PCDHGA6: variants seen among roughly 807,000 people sequenced by gnomAD.
PCDHGA6 encodes the protein protocadherin gamma-A6.
In PCDHGA6, 41 loss-of-function variants were observed where a neutral mutation model predicts 60.6. The observed-to-expected ratio is 0.68, with a 90% CI of 0.53 to 0.88. The LOEUF (loss-of-function observed/expected upper bound fraction) is 0.88, where lower values mean the gene tolerates loss of function less well. PCDHGA6 is among the 40% of genes least tolerant of loss of function. The probability of loss-of-function intolerance (pLI) is 0.00; values close to 1 mark genes in which losing one functional copy is unlikely to be tolerated. For missense variants in PCDHGA6, 1,312 were observed against 1,203.0 expected (o/e 1.09, Z -1.34); for synonymous variants, 594 against 524.4 (o/e 1.13, Z -1.81).
In PCDHGA6 at chr5:141,423,272, T is replaced by C. The variant is rs372798900; in HGVS notation, c.2424+46765T>C. On this transcript the variant is annotated intron_variant, in intron 1 of 3. Coordinates refer to ENST00000517434, the MANE Select transcript of PCDHGA6 (RefSeq NM_018919.3). ...GCGGACCTCGGCAGCCTCGAGTCTC[T>C]GGCTAACTCTGAAACCTCAGACCTC... 36 of 1,613,586 alleles carry C rather than the reference T, an allele frequency of 2.2e-5. No individual in the cohort carries two copies. In the African/African-American group the frequency reaches 4.4e-4, roughly 20 times the overall value.
In PCDHGA6 at chr5:141,489,948, T is replaced by C; in HGVS notation, c.2425-4859T>C. 2 of 1,614,210 alleles carry C rather than the reference T, an allele frequency of 1.2e-6. No individual in the cohort carries two copies. Among genetic ancestry groups the C allele is most frequent in the Non-Finnish European group, 1.7e-6 (2 of 1,180,030 alleles). On this transcript the variant is annotated intron_variant, in intron 1 of 3. Coordinates refer to ENST00000517434, the MANE Select transcript of PCDHGA6 (RefSeq NM_018919.3). The surrounding 1 kb of genome is among the most constrained non-coding windows in gnomAD (Gnocchi z 4.5). ...TCTCTGTCATCGTGCTGGACATCAA[T>C]GATAATGCTCCAACCTTCCAATCCT...
At chr5:141,406,346 G>C (rs1296474677) in intron 1 of PCDHGA6, among the ~76,000 whole-genome samples, 1 of 152,092 alleles carries the variant, frequency 6.6e-6, no homozygotes, top group Non-Finnish European at 1.5e-5. Flanking sequence ...ATTTATTCAG[G>C]TCATACTATG....
chr5:141,415,588 A>G lies in PCDHGA6; in HGVS notation c.2424+39081A>G, dbSNP rs769216282. 3.3e-5 allele frequency: 53 copies of G among 1,613,874 alleles called. No individual in the cohort carries two copies. Among genetic ancestry groups the G allele is most frequent in the Admixed American group, 3.3e-5 (2 of 59,998 alleles). ...TTTGTTAGATGATTCGAAGTTTCCT[A>G]TAGAGGATACCCCATTGGTTCCAGT... On this transcript the variant is annotated intron_variant, in intron 1 of 3. Transcript: ENST00000517434.
At chr5:141,465,467 C>T (rs2099103834) in intron 1 of PCDHGA6, among the ~76,000 whole-genome samples, 1 of 152,178 alleles carries the variant, frequency 6.6e-6, no homozygotes, top group Non-Finnish European at 1.5e-5. Flanking sequence ...CCAAATTGCC[C>T]TTGCTTCATG....
rs138070043 is a variant in PCDHGA6, at chr5:141,512,950, AAAT to A, written c.*1783_*1785del. 5,271 of 152,332 alleles carry A rather than the reference AAAT, an allele frequency of 0.035. 119 individuals carry two copies. The highest frequency in any genetic ancestry group is 0.075 in the South Asian group (360 of 4,826). The allele number at this position is 152,332 out of a possible 1,614,324, so 9.4% of individuals were successfully genotyped here. On this transcript the variant is annotated 3_prime_UTR_variant, in exon 4 of 4. Coordinates refer to ENST00000517434, the MANE Select transcript of PCDHGA6 (RefSeq NM_018919.3). ...ATATGGCTTTTTTTCTTCGACAAAA[AAAT>A]AATAAAACGTTTCTTCTGAAAAGCT...
chr5:141,429,169 TACACACACACACACACACAC>T (rs10667977), intron 1 of PCDHGA6: 4 of 145,394 alleles, frequency 2.8e-5, no homozygotes, highest in Non-Finnish European at 6.0e-5. Flanking sequence ...ACATTGTTTA[TACACACACACACACACACAC>T]ACACACACAC....
intron 1 of PCDHGA6, chr5:141,388,812 G>C (rs775037681): frequency 6.2e-7 from 1 of 1,613,934 alleles, no homozygotes. Flanking sequence ...TTTTGAAGAA[G>C]TCAAAGAATA....
intron 1 of PCDHGA6, chr5:141,399,540 C>T (rs775910113): frequency 9.3e-6 from 15 of 1,614,052 alleles, no homozygotes; most frequent in Non-Finnish European, 1.3e-5. Context: ...CGCAAGTCTG[C>T]GCCTCGGACC....
At position 141,487,447 on chromosome 5, in the gene PCDHGA6, C is replaced by A. The variant is rs758411138; in HGVS notation, c.2425-7360C>A. 4.3e-6 allele frequency: 7 copies of A among 1,614,182 alleles called. No homozygotes were observed. The highest frequency in any genetic ancestry group is 5.9e-6 in the Non-Finnish European group (7 of 1,180,028). Reference sequence around the variant, plus strand: ...TCCGAATCCAGCTAGGGTCAGATGACCCTATCAAGTTTGTTGATGTGGGAG... The same window carrying A: ...TCCGAATCCAGCTAGGGTCAGATGAACCTATCAAGTTTGTTGATGTGGGAG... On this transcript the variant is annotated intron_variant, in intron 1 of 3. Coordinates refer to ENST00000517434, the MANE Select transcript of PCDHGA6 (RefSeq NM_018919.3). The surrounding 1 kb of genome is among the most constrained non-coding windows in gnomAD (Gnocchi z 5.0).
intron 1 of PCDHGA6, chr5:141,394,727 C>G (rs971156422): frequency 8.7e-6 from 14 of 1,613,436 alleles, no homozygotes; most frequent in Middle Eastern, 1.6e-4. Flanking sequence ...GAGATGCGCT[C>G]AAGCAGAGCC....
intron 1 of PCDHGA6, chr5:141,404,621 G>T: frequency 6.2e-7 from 1 of 1,614,174 alleles, no homozygotes; most frequent in South Asian, 1.1e-5. Context: ...GGACCAGAAT[G>T]ACAATGCCCC....
intron 2 of PCDHGA6, among the ~76,000 whole-genome samples, chr5:141,498,971 G>GGGAAGGAAGGAAGGAAGGAAGGAAGGAA (rs201769957): frequency 9.0e-6 from 1 of 110,972 alleles, no homozygotes; most frequent in Non-Finnish European, 1.8e-5. Flanking sequence ...GAGGGAGGGA[G>GGGAAGGAAGGAAGGAAGGAAGGAAGGAA]GGAAGGAAGG....
Position 141,494,815 on chromosome 5 carries a change from G to A in PCDHGA6, c.2433G>A (p.Pro811=), listed in dbSNP as rs765344906. 1 of 1,613,976 alleles carries A rather than the reference G, an allele frequency of 6.2e-7. No homozygotes were observed. Among genetic ancestry groups the A allele is most frequent in the South Asian group, 1.1e-5 (1 of 91,072 alleles). ...KGEPRQLQQA[P]PNTDWRFSQA... The stretch of plus-strand genomic sequence containing the variant: ...CTCTGTTTTCTCCACAGCAAGCCCC[G>A]CCCAACACGGACTGGCGTTTCTCTC... The change falls in exon 2 of 4, where the codon CCG becomes CCA. Residue 811 remains proline, a synonymous_variant. Transcript: ENST00000517434.
chr5:141,400,590 T>G (rs775174347), intron 1 of PCDHGA6: 2 of 1,604,848 alleles, frequency 1.2e-6, no homozygotes, highest in South Asian at 1.1e-5. Flanking sequence ...CATGAAACTA[T>G]CGTACATTTT....
At chr5:141,446,296 G>A (rs2098497546) in intron 1 of PCDHGA6, among the ~76,000 whole-genome samples, 1 of 152,160 alleles carries the variant, frequency 6.6e-6, no homozygotes, top group Non-Finnish European at 1.5e-5. Context: ...GGGGAGCAGG[G>A]ATTAAGAGTG....
chr5:141,425,559 G>A (rs1180113940), intron 1 of PCDHGA6, among the ~76,000 whole-genome samples: 2 of 152,176 alleles, frequency 1.3e-5, no homozygotes, highest in East Asian at 3.9e-4. Context: ...TCTTTTATAA[G>A]TGATAAGAAG....
In PCDHGA6 at chr5:141,476,042, T is replaced by C. The variant is rs199923442; in HGVS notation, c.2425-18765T>C. On this transcript the variant is annotated intron_variant, in intron 1 of 3. Coordinates refer to ENST00000517434, the MANE Select transcript of PCDHGA6 (RefSeq NM_018919.3). The surrounding 1 kb of genome is among the most constrained non-coding windows in gnomAD (Gnocchi z 7.6). Reference sequence around the variant, plus strand: ...GACTCGGCGCCCAGCGCCCAAGCGCTAACCCGCTGAAAGTTTCTCAGCGAA... The same window carrying C: ...GACTCGGCGCCCAGCGCCCAAGCGCCAACCCGCTGAAAGTTTCTCAGCGAA... 1.4e-5 allele frequency: 21 copies of C among 1,491,832 alleles called. No individual in the cohort carries two copies. The highest frequency in any genetic ancestry group is 2.7e-6 in the Non-Finnish European group (3 of 1,123,808). 92.4% of individuals were successfully genotyped at this position (1,491,832 alleles called of 1,614,324 possible). A position where few individuals can be genotyped will look rare whatever the true frequency, so the allele number is the denominator to read the frequency against.
intron 1 of PCDHGA6, chr5:141,409,205 A>C (rs766592481): frequency 1.2e-6 from 2 of 1,614,068 alleles, no homozygotes; most frequent in Non-Finnish European, 1.7e-6. Flanking sequence ...TAAAGTAATC[A>C]TAGAAATCCT....
rs749207935 is a variant in PCDHGA6 at position 141,375,054 on chromosome 5, G to A, written c.971G>A (p.Gly324Glu). ...FYELGVEARD[G>E]PGLRDRAKVL... is the part of the protein sequence containing the mutation. Reference sequence around the variant, plus strand: ...GAGCTGGGTGTTGAAGCCCGGGATGGGCCAGGTCTTCGAGACAGAGCGAAA... The same window carrying A: ...GAGCTGGGTGTTGAAGCCCGGGATGAGCCAGGTCTTCGAGACAGAGCGAAA... The change falls in exon 1 of 4, where the codon GGG becomes GAG. Residue 324 changes from glycine to glutamate, a missense_variant. Physicochemically the swap from Gly to Glu is moderately conservative, Grantham distance 98. Coordinates refer to ENST00000517434, the MANE Select transcript of PCDHGA6 (RefSeq NM_018919.3). The A allele has an allele frequency of 1.9e-6, 3 of 1,614,004 alleles. No homozygotes were observed. The highest frequency in any genetic ancestry group is 2.5e-6 in the Non-Finnish European group (3 of 1,179,884).
Sources: allele counts gnomAD v4.1 joint callset (sites outside exome capture counted in the v4.1 genomes callset), GRCh38; gene constraint gnomAD v4.1.1; non-coding constraint Gnocchi (gnomAD v3.1); transcripts MANE v1.5; gene names NCBI Gene and HGNC (gene_info 2026-07-23, HGNC 2026-07-21).